The following TMTC2 variants were observed in gnomAD, a reference collection of about 807,000 sequenced individuals.
TMTC2 encodes transmembrane O-mannosyltransferase targeting cadherins 2, also known as protein O-mannosyl-transferase TMTC2.
A neutral mutation model predicts 82.4 loss-of-function variants in TMTC2; 43 were observed. The observed-to-expected ratio is 0.52, with a 90% CI of 0.41 to 0.67. TMTC2 has a LOEUF of 0.67. Ranked by LOEUF, TMTC2 falls within the 30% of genes least tolerant of loss-of-function variation. The pLI is 0.00. For missense variants in TMTC2, 919 were observed against 1,012.4 expected (o/e 0.91, Z 1.25); for synonymous variants, 408 against 381.9 (o/e 1.07, Z -0.80).
intron 11 of TMTC2, among the ~76,000 whole-genome samples, chr12:83,130,930 A>G (rs1885239846): frequency 6.6e-6 from 1 of 152,178 alleles, no homozygotes; most frequent in South Asian, 2.1e-4. Context: ...TAAAAATCCA[A>G]AATCCCCCAA....
chr12:82,983,790 C>T (rs933732324), intron 7 of TMTC2, among the ~76,000 whole-genome samples: 6 of 151,982 alleles, frequency 3.9e-5, no homozygotes, highest in Non-Finnish European at 5.9e-5. Context: ...CTTTATAATC[C>T]GTTTAAGAGA....
At chr12:82,831,895 G>A (rs902720530) in intron 1 of TMTC2, among the ~76,000 whole-genome samples, 7 of 152,124 alleles carry the variant, frequency 4.6e-5, no homozygotes, top group Non-Finnish European at 7.4e-5. Context: ...AGGATCGTAC[G>A]AAGAACTTTT....
chr12:83,118,579 TTTG>T (rs1884845470), intron 11 of TMTC2, among the ~76,000 whole-genome samples: 1 of 152,198 alleles, frequency 6.6e-6, no homozygotes, highest in Non-Finnish European at 1.5e-5. Flanking sequence ...TAGCTAGTAT[TTTG>T]TTAAGGATTT....
chr12:82,794,575 A>G (rs1878628415), intron 1 of TMTC2, among the ~76,000 whole-genome samples: 1 of 152,124 alleles, frequency 6.6e-6, no homozygotes, highest in Non-Finnish European at 1.5e-5. Context: ...CAAATGAGGT[A>G]TTTGCATTAC....
chr12:82,844,069 G>C (rs530630376), intron 1 of TMTC2, among the ~76,000 whole-genome samples: 2 of 152,200 alleles, frequency 1.3e-5, no homozygotes, highest in Admixed American at 1.3e-4. Context: ...CCAAGACTTC[G>C]TTTCCTAGAG....
intron 1 of TMTC2, among the ~76,000 whole-genome samples, chr12:82,816,662 A>G (rs963572080): frequency 6.6e-6 from 1 of 152,126 alleles, no homozygotes; most frequent in African/African-American, 2.4e-5. Flanking sequence ...TTTTACATCA[A>G]ATAATATTAG....
intron 1 of TMTC2, among the ~76,000 whole-genome samples, chr12:82,802,054 G>C (rs969138397): frequency 6.6e-6 from 1 of 152,116 alleles, no homozygotes; most frequent in African/African-American, 2.4e-5. Flanking sequence ...CTCAGCCCTT[G>C]GGTGGTCGAT....
rs192441666 is a variant in TMTC2 at position 83,108,768 on chromosome 12, G to A, written c.2332-23442G>A. Among the ~76,000 whole-genome samples, 570 of 152,164 alleles carry A rather than the reference G, an allele frequency of 3.7e-3. 4 individuals are homozygous for A. The highest frequency in any genetic ancestry group is 6.3e-3 in the Non-Finnish European group (430 of 68,010). ...TGCCATGTTTGCTTTCTTGGTGAAG[G>A]TCCCCGAACTATAAGTAACAGCTGC... On this transcript the variant is annotated intron_variant, in intron 11 of 11. Coordinates refer to ENST00000321196, the MANE Select transcript of TMTC2 (RefSeq NM_152588.3).
At chr12:83,104,600 C>T (rs977735377) in intron 11 of TMTC2, among the ~76,000 whole-genome samples, 2 of 152,350 alleles carry the variant, frequency 1.3e-5, no homozygotes, top group Admixed American at 6.5e-5. Context: ...ATGCAAGCAG[C>T]GGTCTCCCAA....
chr12:82,982,170 A>G (rs1010835521), intron 7 of TMTC2, among the ~76,000 whole-genome samples: 22 of 151,904 alleles, frequency 1.4e-4, no homozygotes, highest in African/African-American at 5.3e-4. Context: ...TAAATTTTAT[A>G]TGGCAGGCAG....
intron 9 of TMTC2, among the ~76,000 whole-genome samples, chr12:83,032,608 G>A (rs1000828879): frequency 2.0e-5 from 3 of 151,996 alleles, no homozygotes; most frequent in Non-Finnish European, 4.4e-5. Flanking sequence ...GCAATGGCAC[G>A]ATCTCGGCTC....
At chr12:82,791,123 C>T (rs1215290222) in intron 1 of TMTC2, among the ~76,000 whole-genome samples, 4 of 152,030 alleles carry the variant, frequency 2.6e-5, no homozygotes, top group Non-Finnish European at 5.9e-5. Context: ...TTCTACATGA[C>T]TTCTCCTCTA....
Position 83,012,235 on chromosome 12 carries a change from A to G in TMTC2, c.2071-18563A>G, listed in dbSNP as rs1028943212. ...TAGCAGTAAGTATTTGTTGAACAAA[A>G]TACATCATTTTAGTGTTACATGGTG... On this transcript the variant is annotated intron_variant, in intron 8 of 11. Coordinates refer to ENST00000321196, the MANE Select transcript of TMTC2 (RefSeq NM_152588.3). Among the ~76,000 whole-genome samples the G allele has an allele frequency of 3.9e-5, 6 of 152,214 alleles. 1 individual carries two copies. Among genetic ancestry groups the G allele is most frequent in the African/African-American group, 1.4e-4 (6 of 41,446 alleles).
Position 82,978,459 on chromosome 12 carries a change from G to T in TMTC2, c.1949-7466G>T, listed in dbSNP as rs181079389. Among the ~76,000 whole-genome samples, 6 of 151,650 alleles carry T rather than the reference G, an allele frequency of 4.0e-5. No individual in the cohort carries two copies. The East Asian group carries it at 7.7e-4, about 20-fold the overall frequency. On this transcript the variant is annotated intron_variant, in intron 7 of 11. Coordinates refer to ENST00000321196, the MANE Select transcript of TMTC2 (RefSeq NM_152588.3). ...CCAATCCATCTAAAATACTATTTTG[G>T]TATATATGTTTAATTTCCGTGTGTG...
At chr12:82,915,071 C>T (rs1419491145) in intron 3 of TMTC2, among the ~76,000 whole-genome samples, 3 of 152,012 alleles carry the variant, frequency 2.0e-5, no homozygotes, top group Non-Finnish European at 4.4e-5. Flanking sequence ...GTGGTCTGCC[C>T]ACCTCAGCCT....
chr12:83,005,354 A>G (rs1446173121), intron 8 of TMTC2, among the ~76,000 whole-genome samples: 1 of 144,220 alleles, frequency 6.9e-6, no homozygotes, highest in Non-Finnish European at 1.5e-5. Flanking sequence ...AAAAAAGAGT[A>G]ATGGCTGGCC....
chr12:83,120,638 A>G (rs1175169736), intron 11 of TMTC2, among the ~76,000 whole-genome samples: 1 of 152,100 alleles, frequency 6.6e-6, no homozygotes, highest in Non-Finnish European at 1.5e-5. Flanking sequence ...CTAGGTGATG[A>G]TCTGTTTGCA....
intron 1 of TMTC2, among the ~76,000 whole-genome samples, chr12:82,740,558 G>A (rs1438191197): frequency 6.6e-6 from 1 of 152,172 alleles, no homozygotes; most frequent in Non-Finnish European, 1.5e-5. Context: ...CATATTCAGA[G>A]CTGACTCATT....
At chr12:82,858,639 A>C (rs1871376563) in intron 2 of TMTC2, among the ~76,000 whole-genome samples, 1 of 151,688 alleles carries the variant, frequency 6.6e-6, no homozygotes, top group Admixed American at 6.6e-5. Context: ...CAATTTTTTT[A>C]AATGCCCTTT....
Sources: gnomAD v4.1 joint callset for allele counts (sites outside exome capture counted in the v4.1 genomes callset) on GRCh38, gnomAD v4.1.1 for gene constraint, MANE v1.5 for transcripts, NCBI Gene and HGNC (gene_info 2026-07-23, HGNC 2026-07-21) for gene names.